The following CNTNAP2 variants were observed in gnomAD, a reference collection of about 807,000 sequenced individuals.
The protein encoded by CNTNAP2 is contactin-associated protein-like 2.
A neutral mutation model predicts 155.2 loss-of-function variants in CNTNAP2; 98 were observed. The observed-to-expected ratio is 0.63, with a 90% CI of 0.54 to 0.75. The LOEUF (loss-of-function observed/expected upper bound fraction) is 0.75, where lower values mean the gene tolerates loss of function less well. Ranked by LOEUF, CNTNAP2 falls within the 30% of genes least tolerant of loss-of-function variation. The pLI, the probability that CNTNAP2 is intolerant of heterozygous loss-of-function variation, is 0.00. For synonymous variants in CNTNAP2, 651 were observed against 631.2 expected (o/e 1.03, Z -0.47); for missense variants, 1,727 against 1,688.1 (o/e 1.02, Z -0.40).
At chr7:146,781,207 G>A (rs985948687) in intron 2 of CNTNAP2, among the ~76,000 whole-genome samples, 5 of 138,716 alleles carry the variant, frequency 3.6e-5, no homozygotes, top group African/African-American at 1.4e-4. Context: ...CAGCCTGGGT[G>A]ACAGAGCGAG....
At chr7:147,536,313 C>T (rs990626247) in intron 11 of CNTNAP2, among the ~76,000 whole-genome samples, 12 of 152,296 alleles carry the variant, frequency 7.9e-5, no homozygotes, top group Non-Finnish European at 1.6e-4. Context: ...TGCGAATGTG[C>T]CAGTGAGTAG....
intron 2 of CNTNAP2, among the ~76,000 whole-genome samples, chr7:146,826,175 T>C (rs1405563473): frequency 1.3e-5 from 2 of 152,114 alleles, no homozygotes; most frequent in African/African-American, 2.4e-5. Flanking sequence ...CTATATTTAG[T>C]TACTAGTTAG....
chr7:146,721,146 A>G (rs1801293765), intron 1 of CNTNAP2, among the ~76,000 whole-genome samples: 1 of 130,440 alleles, frequency 7.7e-6, no homozygotes, highest in Non-Finnish European at 1.6e-5. Flanking sequence ...TTCTCTTTAT[A>G]TATTCTATAT....
At chr7:147,131,363 G>T (rs1051424882) in intron 7 of CNTNAP2, among the ~76,000 whole-genome samples, 2 of 151,730 alleles carry the variant, frequency 1.3e-5, no homozygotes, top group African/African-American at 2.4e-5. Context: ...TATTATGATA[G>T]GATAAAAGAA....
chr7:147,350,602 C>A (rs1412640962), intron 9 of CNTNAP2, among the ~76,000 whole-genome samples: 1 of 151,732 alleles, frequency 6.6e-6, no homozygotes, highest in Non-Finnish European at 1.5e-5. Flanking sequence ...GGCTGTTTTT[C>A]CTGACATTTG....
In CNTNAP2 at chr7:146,813,944, C is replaced by T. The variant is rs1352192698; in HGVS notation, c.209-25767C>T. Among the ~76,000 whole-genome samples the T allele has an allele frequency of 2.0e-5, 3 of 152,114 alleles. No homozygotes were observed. In the East Asian group the frequency reaches 5.8e-4, roughly 29 times the overall value. Reference sequence around the variant, plus strand: ...ATTTTCCCCTTTGCTTGGCACTTCTCTCTCCTTCCACCTTGTGAAGAAGGA... The same window carrying T: ...ATTTTCCCCTTTGCTTGGCACTTCTTTCTCCTTCCACCTTGTGAAGAAGGA... On this transcript the variant is annotated intron_variant, in intron 2 of 23. Transcript: ENST00000361727.
intron 4 of CNTNAP2, among the ~76,000 whole-genome samples, chr7:147,051,196 A>G (rs981170267): frequency 5.4e-5 from 8 of 148,036 alleles, no homozygotes; most frequent in African/African-American, 1.7e-4. Context: ...ATATATATAT[A>G]TATATATAAA....
At chr7:147,360,765 C>T (rs1015257528) in intron 9 of CNTNAP2, among the ~76,000 whole-genome samples, 1 of 152,112 alleles carries the variant, frequency 6.6e-6, no homozygotes, top group Non-Finnish European at 1.5e-5. Flanking sequence ...TGAATTCTCA[C>T]CAGCCATTTC....
chr7:147,798,935 A>G (rs1429495069), intron 13 of CNTNAP2, among the ~76,000 whole-genome samples: 1 of 152,114 alleles, frequency 6.6e-6, no homozygotes, highest in Non-Finnish European at 1.5e-5. Flanking sequence ...TTCCCTCCAT[A>G]TTGAATTTAT....
chr7:146,211,373 T>C (rs913402245), intron 1 of CNTNAP2, among the ~76,000 whole-genome samples: 4 of 152,248 alleles, frequency 2.6e-5, no homozygotes, highest in Non-Finnish European at 4.4e-5. Flanking sequence ...ATATGAATTC[T>C]TAATCATTAC....
chr7:146,713,148 G>A (rs1263653129), intron 1 of CNTNAP2, among the ~76,000 whole-genome samples: 1 of 151,952 alleles, frequency 6.6e-6, no homozygotes, highest in South Asian at 2.1e-4. Flanking sequence ...ACATATAAAA[G>A]CAGGCATACT....
chr7:146,425,835 A>G (rs1796078936), intron 1 of CNTNAP2, among the ~76,000 whole-genome samples: 1 of 152,116 alleles, frequency 6.6e-6, no homozygotes, highest in South Asian at 2.1e-4. Flanking sequence ...TGAGGAGAAG[A>G]AACTACAAAC....
intron 12 of CNTNAP2, among the ~76,000 whole-genome samples, chr7:147,580,084 C>T (rs1229631797): frequency 6.6e-6 from 1 of 152,192 alleles, no homozygotes; most frequent in Non-Finnish European, 1.5e-5. Context: ...GAGTTATTTG[C>T]TGACTGTTCA....
intron 13 of CNTNAP2, among the ~76,000 whole-genome samples, chr7:147,814,646 A>G (rs1798237992): frequency 6.6e-6 from 1 of 152,216 alleles, no homozygotes; most frequent in Non-Finnish European, 1.5e-5. Context: ...TACTTTTAGT[A>G]TAGCACTTTT....
At chr7:147,883,313 T>C (rs986500855) in intron 13 of CNTNAP2, among the ~76,000 whole-genome samples, 26 of 152,190 alleles carry the variant, frequency 1.7e-4, no homozygotes, top group African/African-American at 5.8e-4. Context: ...TTACTCTTTT[T>C]TTTGAGACAG....
At chr7:146,164,945 T>A (rs556793546) in intron 1 of CNTNAP2, among the ~76,000 whole-genome samples, 42 of 152,200 alleles carry the variant, frequency 2.8e-4, no homozygotes, top group Non-Finnish European at 5.7e-4. Flanking sequence ...GAAGTGTGTG[T>A]GTGAAACAAC....
rs572262204 is a variant in CNTNAP2 at position 146,657,927 on chromosome 7, A to C, written c.98-116344A>C. Among the ~76,000 whole-genome samples the C allele has an allele frequency of 7.2e-5, 11 of 152,320 alleles. No homozygotes were observed. In the East Asian group the frequency reaches 2.1e-3, roughly 29 times the overall value. ...ACAAAATAAGTTCATCATTAAAAAA[A>C]CCAATAATGCCAAATCCTAAAAATA... is the stretch of plus-strand genomic sequence containing the variant. On this transcript the variant is annotated intron_variant, in intron 1 of 23. Coordinates refer to ENST00000361727, the MANE Select transcript of CNTNAP2 (RefSeq NM_014141.6).
chr7:147,020,518 G>A (rs902718012), intron 3 of CNTNAP2, among the ~76,000 whole-genome samples: 10 of 152,116 alleles, frequency 6.6e-5, no homozygotes, highest in African/African-American at 2.4e-4. Flanking sequence ...CTTTATTTGA[G>A]TTGATCCACT....
intron 1 of CNTNAP2, among the ~76,000 whole-genome samples, chr7:146,489,548 C>T (rs945739618): frequency 6.6e-6 from 1 of 152,112 alleles, no homozygotes; most frequent in Non-Finnish European, 1.5e-5. Flanking sequence ...GGGACCTCCA[C>T]GGCCAGTGAC....
Sources: allele counts gnomAD v4.1 joint callset (sites outside exome capture counted in the v4.1 genomes callset), GRCh38; gene constraint gnomAD v4.1.1; transcripts MANE v1.5; gene names NCBI Gene and HGNC (gene_info 2026-07-23, HGNC 2026-07-21).